The following KALRN variants were observed in gnomAD, a reference collection of about 807,000 sequenced individuals.
The protein encoded by KALRN is kalirin RhoGEF kinase, also known as kalirin.
Under a neutral mutation model 353.7 loss-of-function variants are expected in KALRN, and 70 were observed. That is an observed-to-expected ratio of 0.20 (90% CI 0.16 to 0.24). KALRN has a LOEUF of 0.24. KALRN is among the 10% of genes least tolerant of loss of function. The pLI, the probability that KALRN is intolerant of heterozygous loss-of-function variation, is 1.00. For synonymous variants in KALRN, 1,391 were observed against 1,434.8 expected (o/e 0.97, Z 0.69); for missense variants, 2,791 against 3,756.7 (o/e 0.74, Z 6.72).
intron 1 of KALRN, among the ~76,000 whole-genome samples, chr3:124,142,966 A>G (rs544768303): frequency 7.2e-5 from 11 of 151,878 alleles, no homozygotes; most frequent in Non-Finnish European, 1.5e-4. Context: ...TATAGCTACT[A>G]GCTTTATAAG....
chr3:124,708,078 T>G (rs1410659263), intron 57 of KALRN, among the ~76,000 whole-genome samples: 2 of 152,120 alleles, frequency 1.3e-5, no homozygotes, highest in African/African-American at 4.8e-5. Flanking sequence ...TAGAACCACC[T>G]CCCACAGAAG....
chr3:124,467,501 A>T (rs1001915187), intron 25 of KALRN, among the ~76,000 whole-genome samples: 1 of 152,174 alleles, frequency 6.6e-6, no homozygotes, highest in Non-Finnish European at 1.5e-5. Flanking sequence ...GGCATTTGAG[A>T]TATAATTTAA....
intron 6 of KALRN, among the ~76,000 whole-genome samples, chr3:124,316,916 G>T (rs2078868489): frequency 6.6e-6 from 1 of 152,188 alleles, no homozygotes; most frequent in Non-Finnish European, 1.5e-5. Context: ...ATTGATGAAA[G>T]CAAAGAGTTG....
At chr3:124,692,168 C>A (rs1006555490) in intron 51 of KALRN, among the ~76,000 whole-genome samples, 1 of 152,216 alleles carries the variant, frequency 6.6e-6, no homozygotes, top group African/African-American at 2.4e-5. Flanking sequence ...ATTAGCCTCT[C>A]GTGTTTTTAA....
chr3:124,445,536 T>C (rs946829028), intron 19 of KALRN, among the ~76,000 whole-genome samples: 2 of 152,216 alleles, frequency 1.3e-5, no homozygotes, highest in African/African-American at 2.4e-5. Flanking sequence ...GCTTTTCTTA[T>C]GATCACATCC....
At chr3:124,178,279 A>G (rs1358444215) in intron 1 of KALRN, among the ~76,000 whole-genome samples, 1 of 152,238 alleles carries the variant, frequency 6.6e-6, no homozygotes, top group East Asian at 1.9e-4. Flanking sequence ...TATCCTCTAT[A>G]TTCATACCTA....
intron 1 of KALRN, among the ~76,000 whole-genome samples, chr3:124,102,780 C>T (rs1229784884): frequency 1.3e-5 from 2 of 152,182 alleles, no homozygotes; most frequent in African/African-American, 4.8e-5. Flanking sequence ...TAATAGGAAA[C>T]CTAATAAATA....
rs1170238870 is a variant in KALRN at position 124,068,085 on chromosome 3, G to A, written c.73+34272G>A. 3.3e-5 allele frequency among the ~76,000 whole-genome samples: 5 copies of A among 152,248 alleles called. No homozygotes were observed. In the South Asian group the frequency reaches 8.3e-4, roughly 25 times the overall value. Reference sequence around the variant, plus strand: ...AAATGGCTTCTACTCCATAGGCAGTGCCTCCTTTAACCCTGAGTGGCTAGT... The same window carrying A: ...AAATGGCTTCTACTCCATAGGCAGTACCTCCTTTAACCCTGAGTGGCTAGT... On this transcript the variant is annotated intron_variant, in intron 1 of 59. Coordinates refer to ENST00000682506, the MANE Select transcript of KALRN (RefSeq NM_001388419.1).
intron 34 of KALRN, among the ~76,000 whole-genome samples, chr3:124,566,118 C>T (rs1234633859): frequency 2.0e-5 from 3 of 152,158 alleles, no homozygotes; most frequent in African/African-American, 7.2e-5. Flanking sequence ...GCCAATTATG[C>T]TGAGCTTTCA....
At chr3:124,603,676 A>G (rs13065562) in intron 34 of KALRN, among the ~76,000 whole-genome samples, 90,144 of 151,476 alleles carry the variant, frequency 0.6, 26,989 homozygotes, top group East Asian at 0.83. Context: ...TCCCACGAGC[A>G]TGGATATTAA....
chr3:124,579,714 T>C (rs1699656469), intron 34 of KALRN, among the ~76,000 whole-genome samples: 1 of 152,200 alleles, frequency 6.6e-6, no homozygotes, highest in South Asian at 2.1e-4. Flanking sequence ...TCCCACATTG[T>C]TATAGCAAAA....
At chr3:124,562,400 T>C (rs1035008860) in intron 33 of KALRN, among the ~76,000 whole-genome samples, 15 of 152,012 alleles carry the variant, frequency 9.9e-5, no homozygotes, top group Non-Finnish European at 1.5e-4. Context: ...AATAGGAGTC[T>C]GAGGGTGGTA....
chr3:124,675,745 C>A (rs1177441141), intron 49 of KALRN, among the ~76,000 whole-genome samples: 2 of 152,138 alleles, frequency 1.3e-5, no homozygotes, highest in Admixed American at 6.5e-5. Context: ...GTGCTGATGT[C>A]AATTAATGAC....
At chr3:124,414,510 T>A (rs538708009) in intron 14 of KALRN, among the ~76,000 whole-genome samples, 1 of 152,204 alleles carries the variant, frequency 6.6e-6, no homozygotes, top group South Asian at 2.1e-4. Context: ...TTATAACTTC[T>A]CAGAAAAACA....
intron 1 of KALRN, among the ~76,000 whole-genome samples, chr3:124,191,631 A>C: frequency 6.6e-6 from 1 of 152,198 alleles, no homozygotes; most frequent in East Asian, 1.9e-4. Context: ...CTGGGCAGGA[A>C]CAGTTGGGCT....
At chr3:124,156,718 A>T (rs537907484) in intron 1 of KALRN, among the ~76,000 whole-genome samples, 2 of 152,328 alleles carry the variant, frequency 1.3e-5, no homozygotes, top group South Asian at 4.1e-4. Context: ...TCTTTTTCGC[A>T]TAATGCCATC....
chr3:124,577,339 G>T (rs2074214167), intron 34 of KALRN, among the ~76,000 whole-genome samples: 1 of 152,152 alleles, frequency 6.6e-6, no homozygotes, highest in Non-Finnish European at 1.5e-5. Context: ...AAGGTCAGTA[G>T]GTGAAGACAT....
intron 34 of KALRN, among the ~76,000 whole-genome samples, chr3:124,603,935 A>T (rs140731070): frequency 6.6e-6 from 1 of 152,230 alleles, no homozygotes; most frequent in African/African-American, 2.4e-5. Flanking sequence ...ATCTTATTTG[A>T]GAAGGTCATT....
intron 42 of KALRN, among the ~76,000 whole-genome samples, chr3:124,658,841 G>T (rs1347328791): frequency 4.6e-5 from 7 of 152,188 alleles, no homozygotes; most frequent in African/African-American, 1.7e-4. Flanking sequence ...GTACCCACCA[G>T]TCCCCCAGGG....
Sources: allele counts gnomAD v4.1 joint callset (sites outside exome capture counted in the v4.1 genomes callset), GRCh38; gene constraint gnomAD v4.1.1; transcripts MANE v1.5; gene names NCBI Gene and HGNC (gene_info 2026-07-23, HGNC 2026-07-21).